Variants in MED13L observed in about 807,000 individuals in gnomAD.
MED13L encodes the protein mediator complex subunit 13L.
Under a neutral mutation model 220.9 loss-of-function variants are expected in MED13L, and 7 were observed. The observed-to-expected ratio is 0.03, with a 90% CI of 0.02 to 0.06. MED13L has a LOEUF of 0.06. MED13L is among the 10% of genes least tolerant of loss of function. The pLI is 1.00. For missense variants in MED13L, 1,965 were observed against 2,760.5 expected, an observed-to-expected ratio of 0.71 and a Z score of 6.46; for synonymous variants, 1,011 against 1,015.2, an observed-to-expected ratio of 1.00 and a Z score of 0.08.
At chr12:116,223,108 C>A (rs1447447513) in intron 2 of MED13L, among the ~76,000 whole-genome samples, 1 of 152,126 alleles carries the variant, frequency 6.6e-6, no homozygotes, top group Non-Finnish European at 1.5e-5. Context: ...CAGCAAATAC[C>A]AACTCCAGTG....
intron 1 of MED13L, among the ~76,000 whole-genome samples, chr12:116,271,875 A>C (rs960217679): frequency 6.6e-6 from 1 of 152,144 alleles, no homozygotes; most frequent in African/African-American, 2.4e-5. Flanking sequence ...AGCTCCTGTG[A>C]AATAAATGTA....
chr12:115,965,175 A>C (rs145259455), intron 29 of MED13L, among the ~76,000 whole-genome samples: 1 of 152,218 alleles, frequency 6.6e-6, no homozygotes. Flanking sequence ...GTGAATGTGC[A>C]TATCTTATAG....
intron 4 of MED13L, among the ~76,000 whole-genome samples, chr12:116,089,770 A>G (rs1328006890): frequency 1.3e-5 from 2 of 152,208 alleles, no homozygotes; most frequent in African/African-American, 2.4e-5. Flanking sequence ...CCCTCAGACA[A>G]GTCTGTTTTT....
intron 1 of MED13L, among the ~76,000 whole-genome samples, chr12:116,249,941 A>G (rs1308892715): frequency 6.6e-6 from 1 of 150,750 alleles, no homozygotes; most frequent in Non-Finnish European, 1.5e-5. Flanking sequence ...TAATTTCAGA[A>G]TAAGGACCAC....
chr12:116,255,319 G>A (rs1435339196), intron 1 of MED13L, among the ~76,000 whole-genome samples: 2 of 152,154 alleles, frequency 1.3e-5, no homozygotes, highest in East Asian at 1.9e-4. Flanking sequence ...TTTGCTAAAC[G>A]TATGCAAAAC....
At chr12:116,010,165 T>C (rs1879306522) in intron 9 of MED13L, among the ~76,000 whole-genome samples, 1 of 152,094 alleles carries the variant, frequency 6.6e-6, no homozygotes, top group Non-Finnish European at 1.5e-5. Flanking sequence ...GTCTGTACCA[T>C]AATGGGTTTG....
At chr12:116,026,344 T>A (rs1466491309) in intron 4 of MED13L, among the ~76,000 whole-genome samples, 5 of 152,132 alleles carry the variant, frequency 3.3e-5, no homozygotes, top group Non-Finnish European at 1.5e-5. Context: ...GAATCAAGGA[T>A]CTTTTATATT....
At chr12:116,267,965 A>G (rs560260738) in intron 1 of MED13L, among the ~76,000 whole-genome samples, 1 of 152,360 alleles carries the variant, frequency 6.6e-6, no homozygotes, top group East Asian at 1.9e-4. Flanking sequence ...GATAAAATAT[A>G]TTCAGAACAC....
intron 2 of MED13L, among the ~76,000 whole-genome samples, chr12:116,216,837 T>C (rs1883028397): frequency 6.6e-6 from 1 of 152,162 alleles, no homozygotes; most frequent in South Asian, 2.1e-4. Context: ...TGTACTTGAT[T>C]TGACACTGAA....
chr12:116,264,153 A>G (rs1395603788), intron 1 of MED13L, among the ~76,000 whole-genome samples: 1 of 152,212 alleles, frequency 6.6e-6, no homozygotes, highest in Non-Finnish European at 1.5e-5. Context: ...GCAAAGAGAG[A>G]AGACACTGAC....
chr12:116,098,569 G>A (rs575256974), intron 3 of MED13L, among the ~76,000 whole-genome samples: 1 of 152,300 alleles, frequency 6.6e-6, no homozygotes, highest in African/African-American at 2.4e-5. Context: ...TTACAGGTTA[G>A]ATGGGTTAGT....
intron 2 of MED13L, among the ~76,000 whole-genome samples, chr12:116,123,939 T>C (rs1875315307): frequency 6.6e-6 from 1 of 152,132 alleles, no homozygotes; most frequent in African/African-American, 2.4e-5. Flanking sequence ...CTGAGACTAA[T>C]GCATTCTCGT....
At chr12:116,186,696 T>G (rs1880926247) in intron 2 of MED13L, among the ~76,000 whole-genome samples, 1 of 152,182 alleles carries the variant, frequency 6.6e-6, no homozygotes, top group Non-Finnish European at 1.5e-5. Flanking sequence ...GTTTACTGCT[T>G]TTGTTTCACT....
intron 4 of MED13L, among the ~76,000 whole-genome samples, chr12:116,073,612 G>C (rs575430961): frequency 2.6e-5 from 4 of 152,160 alleles, no homozygotes; most frequent in Non-Finnish European, 5.9e-5. Flanking sequence ...AAGAAAAGGA[G>C]AGAACAGATA....
intron 4 of MED13L, among the ~76,000 whole-genome samples, chr12:116,038,106 T>C (rs1365031859): frequency 6.6e-6 from 1 of 152,096 alleles, no homozygotes; most frequent in Non-Finnish European, 1.5e-5. Context: ...TAAAGTGGAA[T>C]TTATATTAGG....
chr12:116,206,074 CTTTTTTTTTTTT>C (rs1160337465), intron 2 of MED13L, among the ~76,000 whole-genome samples: 2 of 87,190 alleles, frequency 2.3e-5, no homozygotes, highest in African/African-American at 9.5e-5. Flanking sequence ...GTATTATTAC[CTTTTTTTTTTTT>C]TTTTTTTTTT....
intron 4 of MED13L, among the ~76,000 whole-genome samples, chr12:116,051,121 T>C (rs1868477556): frequency 6.6e-6 from 1 of 152,176 alleles, no homozygotes; most frequent in Non-Finnish European, 1.5e-5. Context: ...GGGTTGTTTA[T>C]AGATTATCAT....
intron 2 of MED13L, among the ~76,000 whole-genome samples, chr12:116,184,773 C>T (rs1880766170): frequency 6.6e-6 from 1 of 152,234 alleles, no homozygotes; most frequent in South Asian, 2.1e-4. Flanking sequence ...CTATTTATCA[C>T]TTGAATTGGC....
In MED13L at chr12:116,083,098, A is replaced by G. The variant is rs191134541; in HGVS notation, c.479+13571T>C. ...TCTAGTCATTCATTCAGTCATTTAC[A>G]TTTATTATCTCATTTAATCTTGTGC... On this transcript the variant is annotated intron_variant, in intron 4 of 30. Coordinates refer to ENST00000281928, the MANE Select transcript of MED13L (RefSeq NM_015335.5). Among the ~76,000 whole-genome samples the G allele has an allele frequency of 2.0e-3, 303 of 152,302 alleles. 2 individuals carry two copies. Among genetic ancestry groups the G allele is most frequent in the Non-Finnish European group, 2.9e-3 (200 of 68,018 alleles).
Sources: allele counts gnomAD v4.1 joint callset (sites outside exome capture counted in the v4.1 genomes callset), GRCh38; gene constraint gnomAD v4.1.1; transcripts MANE v1.5; gene names NCBI Gene and HGNC (gene_info 2026-07-23, HGNC 2026-07-21).